The following AHRR variants were observed in gnomAD, a reference collection of about 807,000 sequenced individuals.
AHRR encodes the protein ahR repressor.
AHRR carries 28 observed loss-of-function variants against 44.0 expected under a neutral mutation model. That is an observed-to-expected ratio of 0.64 (90% CI 0.47 to 0.87). The LOEUF is 0.87. Ranked by LOEUF, AHRR falls within the 40% of genes least tolerant of loss-of-function variation. AHRR has a pLI of 0.00. For missense variants in AHRR, 990 were observed against 953.9 expected, an observed-to-expected ratio of 1.04 and a Z score of -0.50; for synonymous variants, 434 against 407.0, an observed-to-expected ratio of 1.07 and a Z score of -0.80.
At chr5:413,505 C>A (rs1000017652) in intron 5 of AHRR, 72 bp downstream of exon 5, 2 of 1,217,038 alleles carry the variant, frequency 1.6e-6, no homozygotes, top group African/African-American at 1.5e-5. Flanking sequence ...TGTTTGTTGT[C>A]GTCAAGGTTT....
chr5:342,732 A>G lies in AHRR; in HGVS notation c.-10-1161A>G, dbSNP rs1742388497. Among the ~76,000 whole-genome samples the G allele has an allele frequency of 6.6e-6, 1 of 152,220 alleles. No individual in the cohort carries two copies. Among genetic ancestry groups the G allele is most frequent in the African/African-American group, 2.4e-5 (1 of 41,458 alleles). On this transcript the variant is annotated intron_variant, in intron 1 of 10. Transcript: ENST00000684583. This position sits in a 1 kb window ranked among gnomAD's most constrained non-coding sequence, Gnocchi z 4.3. Reference sequence around the variant, plus strand: ...GGATGGTTACTGCACACAGGTCTGCAGAACGTTTGTGAGGGCTCAGCTGCA... The same window carrying G: ...GGATGGTTACTGCACACAGGTCTGCGGAACGTTTGTGAGGGCTCAGCTGCA...
At chr5:347,305 A>T (rs982042947) in intron 2 of AHRR, among the ~76,000 whole-genome samples, 1 of 152,162 alleles carries the variant, frequency 6.6e-6, no homozygotes, top group Non-Finnish European at 1.5e-5. Context: ...CAAATACTTT[A>T]CCCCAGTTTT....
intron 3 of AHRR, among the ~76,000 whole-genome samples, chr5:354,788 C>T (rs1483131310): frequency 2.0e-5 from 3 of 152,210 alleles, no homozygotes; most frequent in African/African-American, 7.2e-5. Flanking sequence ...GGGGCCTCCC[C>T]TGGGCGGGGG....
At chr5:415,608 G>GTC (rs1735741535) in intron 5 of AHRR, among the ~76,000 whole-genome samples, 5 of 139,156 alleles carry the variant, frequency 3.6e-5, no homozygotes, top group African/African-American at 8.8e-5. Flanking sequence ...AATCTGCCTG[G>GTC]TGGGGCGGGA....
At chr5:376,545 T>TGAAG in intron 3 of AHRR, 65 bp from the exon 4 acceptor site, 5 of 1,402,562 alleles carry the variant, frequency 3.6e-6, no homozygotes, top group Non-Finnish European at 3.9e-6. Flanking sequence ...AGGAAAGATG[T>TGAAG]GAATGAAGAA....
At chr5:422,526 C>T (rs1462570859) in intron 5 of AHRR, 5 of 637,140 alleles carry the variant, frequency 7.8e-6, no homozygotes, top group African/African-American at 3.7e-5. Flanking sequence ...GACGGGTGGG[C>T]GGGTGCTCCA....
rs1735238811 is a variant in AHRR, at chr5:405,986, A to G, written c.352-7358A>G. 6.6e-6 allele frequency among the ~76,000 whole-genome samples: 1 copy of G among 152,208 alleles called. No individual in the cohort carries two copies. The highest frequency in any genetic ancestry group is 1.5e-5 in the Non-Finnish European group (1 of 68,032). On this transcript the variant is annotated intron_variant, in intron 4 of 10. Transcript: ENST00000684583. This position sits in a 1 kb window ranked among gnomAD's most constrained non-coding sequence, Gnocchi z 4.5. ...TGAACTGGACCCTGGGTAGCAGTTC[A>G]ACCTTCCCCACACCTGTGACACCCA...
chr5:343,281 T>C (rs1356256747), intron 1 of AHRR, among the ~76,000 whole-genome samples: 1 of 143,842 alleles, frequency 7.0e-6, no homozygotes, highest in African/African-American at 2.5e-5. Flanking sequence ...CCACATACCT[T>C]TTCGGGGTGA....
chr5:327,472 C>T lies in AHRR; in HGVS notation c.-11+5653C>T, dbSNP rs1033015551. The stretch of plus-strand genomic sequence containing the variant: ...CAGCACCTACTTGTGAGTGAGAACA[C>T]GTGACATTTGACTTTCTGTGCCTGG... On this transcript the variant is annotated intron_variant, in intron 1 of 10. Transcript: ENST00000684583. 7.2e-5 allele frequency among the ~76,000 whole-genome samples: 11 copies of T among 152,354 alleles called. No individual in the cohort carries two copies. The East Asian group carries it at 1.9e-3, about 27-fold the overall frequency.
chr5:386,602 G>A (rs992539044), intron 4 of AHRR, among the ~76,000 whole-genome samples: 1 of 152,256 alleles, frequency 6.6e-6, no homozygotes, highest in Non-Finnish European at 1.5e-5. Flanking sequence ...GTTCCCCCTA[G>A]GCCTGCAGAT....
rs1408336950 is a variant in AHRR at position 405,764 on chromosome 5, G to C, written c.352-7580G>C. On this transcript the variant is annotated intron_variant, in intron 4 of 10. Transcript: ENST00000684583. This position sits in a 1 kb window ranked among gnomAD's most constrained non-coding sequence, Gnocchi z 4.5. ...TACTGCTCCCCTCGCAGACTGTTGA[G>C]TTGGTCTTTGACAAGTGTTTCTTTT... Among the ~76,000 whole-genome samples, 2 of 152,234 alleles carry C rather than the reference G, an allele frequency of 1.3e-5. No homozygotes were observed. The highest frequency in any genetic ancestry group is 6.5e-5 in the Admixed American group (1 of 15,288).
intron 4 of AHRR, among the ~76,000 whole-genome samples, chr5:390,190 GAA>G (rs767107650): frequency 1.3e-5 from 2 of 152,160 alleles, no homozygotes; most frequent in Non-Finnish European, 2.9e-5. Flanking sequence ...TAAAAATAAC[GAA>G]GAGTGTGATT....
At chr5:340,675 TATATATATA>T (rs1282300169) in intron 1 of AHRR, among the ~76,000 whole-genome samples, 141 of 27,288 alleles carry the variant, frequency 5.2e-3, no homozygotes, top group Middle Eastern at 0.021. Flanking sequence ...TATATATATA[TATATATATA>T]TATATTTTTT....
At chr5:389,308 A>G (rs1188865804) in intron 4 of AHRR, among the ~76,000 whole-genome samples, 1 of 152,208 alleles carries the variant, frequency 6.6e-6, no homozygotes, top group East Asian at 1.9e-4. Context: ...GGCAGCATCC[A>G]CAGTGCGTGA....
intron 4 of AHRR, among the ~76,000 whole-genome samples, chr5:409,465 G>T (rs537421542): frequency 1.3e-5 from 2 of 152,126 alleles, no homozygotes; most frequent in Admixed American, 6.5e-5. Flanking sequence ...TCTCTTCCTC[G>T]CCAGTATTCA....
chr5:414,146 C>A (rs1382119392), intron 5 of AHRR, among the ~76,000 whole-genome samples: 3 of 152,042 alleles, frequency 2.0e-5, no homozygotes, highest in Non-Finnish European at 2.9e-5. Context: ...ACCCGTAGTC[C>A]CAGCTACTAG....
At chr5:329,944 A>T (rs1741854493) in intron 1 of AHRR, among the ~76,000 whole-genome samples, 1 of 152,152 alleles carries the variant, frequency 6.6e-6, no homozygotes, top group South Asian at 2.1e-4. Flanking sequence ...TTCCAGTCTG[A>T]ATGCCTTTTA....
At chr5:415,039 G>A (rs1735661199) in intron 5 of AHRR, among the ~76,000 whole-genome samples, 1 of 152,254 alleles carries the variant, frequency 6.6e-6, no homozygotes, top group African/African-American at 2.4e-5. Flanking sequence ...ACGGGGTGGG[G>A]CCATGGCCGG....
intron 4 of AHRR, among the ~76,000 whole-genome samples, chr5:389,463 C>T (rs970485141): frequency 3.3e-5 from 5 of 152,210 alleles, no homozygotes; most frequent in South Asian, 2.1e-4. Context: ...CCACGTGCTG[C>T]GTAGCCGGAA....
Sources: gnomAD v4.1 joint callset for allele counts (sites outside exome capture counted in the v4.1 genomes callset) on GRCh38, gnomAD v4.1.1 for gene constraint, Gnocchi (gnomAD v3.1) non-coding constraint, MANE v1.5 for transcripts, NCBI Gene and HGNC (gene_info 2026-07-23, HGNC 2026-07-21) for gene names.